NYAP2: variants seen among roughly 807,000 people sequenced by gnomAD.
The protein encoded by NYAP2 is neuronal tyrosine-phosphorylated phosphoinositide-3-kinase adaptor 2, also known as neuronal tyrosine-phosphorylated phosphoinositide-3-kinase adapter 2.
In NYAP2, 23 loss-of-function variants were observed where a neutral mutation model predicts 50.4. The observed-to-expected ratio is 0.46, with a 90% confidence interval of 0.33 to 0.65. NYAP2 has a LOEUF of 0.65. Ranked by LOEUF, NYAP2 falls within the 30% of genes least tolerant of loss-of-function variation. The pLI is 0.02. For synonymous variants in NYAP2, 394 were observed against 365.2 expected, an observed-to-expected ratio of 1.08 and a Z score of -0.90; for missense variants, 885 against 861.0, an observed-to-expected ratio of 1.03 and a Z score of -0.35.
At chr2:225,448,022 A>C (rs1689589120) in intron 3 of NYAP2, among the ~76,000 whole-genome samples, 1 of 152,224 alleles carries the variant, frequency 6.6e-6, no homozygotes, top group South Asian at 2.1e-4. Context: ...GAAAAAGCTA[A>C]TGAACCTGGG....
At chr2:225,405,341 A>G (rs375972072) in intron 2 of NYAP2, among the ~76,000 whole-genome samples, 3 of 152,090 alleles carry the variant, frequency 2.0e-5, no homozygotes, top group Admixed American at 6.6e-5. Flanking sequence ...CCTCTTAACA[A>G]ATAGGGTCTT....
At chr2:225,626,454 T>C (rs1474028420) in intron 5 of NYAP2, among the ~76,000 whole-genome samples, 1 of 152,038 alleles carries the variant, frequency 6.6e-6, no homozygotes, top group Non-Finnish European at 1.5e-5. Context: ...GCCAAGAGAA[T>C]TGAAAATATA....
chr2:225,423,161 A>T (rs1204676789), intron 3 of NYAP2, among the ~76,000 whole-genome samples: 1 of 152,170 alleles, frequency 6.6e-6, no homozygotes, highest in Non-Finnish European at 1.5e-5. Flanking sequence ...AGGTGAAAAC[A>T]CGAAGCCTCT....
intron 3 of NYAP2, among the ~76,000 whole-genome samples, chr2:225,504,869 A>G (rs1455198184): frequency 6.6e-6 from 1 of 151,980 alleles, no homozygotes; most frequent in East Asian, 1.9e-4. Flanking sequence ...TTAGCTGGGT[A>G]TGGTGGTGTC....
intron 5 of NYAP2, among the ~76,000 whole-genome samples, chr2:225,623,350 C>G (rs1233799796): frequency 6.6e-6 from 1 of 152,162 alleles, no homozygotes; most frequent in Non-Finnish European, 1.5e-5. Context: ...AAACTACAAC[C>G]TATCATAAAA....
At chr2:225,613,604 A>C (rs1453773543) in intron 5 of NYAP2, among the ~76,000 whole-genome samples, 1 of 152,200 alleles carries the variant, frequency 6.6e-6, no homozygotes, top group Non-Finnish European at 1.5e-5. Flanking sequence ...GCAGCATCTG[A>C]CCCATAGTAG....
At chr2:225,597,182 T>C (rs1202722705) in intron 5 of NYAP2, among the ~76,000 whole-genome samples, 1 of 151,876 alleles carries the variant, frequency 6.6e-6, no homozygotes, top group Non-Finnish European at 1.5e-5. Context: ...GGGAAACAGG[T>C]GGTGTTGGTT....
At chr2:225,569,058 A>ATTC (rs1160693855) in intron 4 of NYAP2, among the ~76,000 whole-genome samples, 13 of 152,318 alleles carry the variant, frequency 8.5e-5, no homozygotes, top group Non-Finnish European at 1.6e-4. Context: ...GGAAGGGGAA[A>ATTC]TGGAAGAAAT....
the NYAP2 span, among the ~76,000 whole-genome samples, chr2:225,666,477 A>C: frequency 2.0e-5 from 3 of 152,182 alleles, no homozygotes; most frequent in African/African-American, 7.2e-5. Flanking sequence ...CATCAATGAA[A>C]TACATTGAAA....
At chr2:225,512,831 C>T (rs868675899) in intron 3 of NYAP2, among the ~76,000 whole-genome samples, 2,499 of 77,438 alleles carry the variant, frequency 0.032, 225 homozygotes, top group African/African-American at 0.1. Flanking sequence ...CTCTCTCTCT[C>T]TCTCTCTTTC....
At chr2:225,542,152 G>A (rs1200026771) in intron 4 of NYAP2, among the ~76,000 whole-genome samples, 1 of 152,082 alleles carries the variant, frequency 6.6e-6, no homozygotes, top group Non-Finnish European at 1.5e-5. Flanking sequence ...GAATTTATCA[G>A]TTTTAATAGT....
intron 6 of NYAP2, among the ~76,000 whole-genome samples, chr2:225,639,063 GA>G (rs57481799): frequency 6.7e-6 from 1 of 150,306 alleles, no homozygotes; most frequent in African/African-American, 2.4e-5. Context: ...TCATCAAAGT[GA>G]AAAAAAAAAG....
At position 225,622,906 on chromosome 2, in the gene NYAP2, C is replaced by T. The variant is rs377620774; in HGVS notation, c.1619-4011C>T. Reference sequence around the variant, plus strand: ...AGCCACAACCAGTTTTATTTCTAACCTAGCAATTTTATTCTAACATTCTTT... The same window carrying T: ...AGCCACAACCAGTTTTATTTCTAACTTAGCAATTTTATTCTAACATTCTTT... On this transcript the variant is annotated intron_variant, in intron 5 of 6. Coordinates refer to ENST00000636099, the Ensembl canonical transcript of NYAP2. 2.6e-5 allele frequency among the ~76,000 whole-genome samples: 4 copies of T among 152,024 alleles called. No homozygotes were observed. In the East Asian group the frequency reaches 5.8e-4, roughly 22 times the overall value.
At chr2:225,489,941 C>T (rs762902207) in intron 3 of NYAP2, among the ~76,000 whole-genome samples, 2 of 152,192 alleles carry the variant, frequency 1.3e-5, no homozygotes, top group Non-Finnish European at 2.9e-5. Flanking sequence ...GTTACAAGCT[C>T]ATTTTCCAAA....
intron 4 of NYAP2, among the ~76,000 whole-genome samples, chr2:225,558,399 G>T (rs1574677278): frequency 6.6e-6 from 1 of 152,214 alleles, no homozygotes; most frequent in East Asian, 1.9e-4. Flanking sequence ...TTCTTTAGCT[G>T]CATATACTTC....
the NYAP2 span, among the ~76,000 whole-genome samples, chr2:225,691,275 G>A: frequency 3.3e-5 from 5 of 151,562 alleles, no homozygotes; most frequent in South Asian, 4.2e-4. Context: ...CTGACTACTC[G>A]ATTCTACCTT....
the NYAP2 span, chr2:225,702,008 G>A: frequency 6.6e-6 from 1 of 151,686 alleles, no homozygotes; most frequent in Non-Finnish European, 1.5e-5. Flanking sequence ...ACGTACAAAT[G>A]CAATTTTAAT....
rs117950704 is a variant in NYAP2 at position 225,651,265 on chromosome 2, G to A, written c.1829-167G>A. Among the ~76,000 whole-genome samples the A allele has an allele frequency of 5.4e-4, 83 of 152,332 alleles. No individual in the cohort carries two copies. The East Asian group carries it at 0.012, about 22-fold the overall frequency. On this transcript the variant is annotated intron_variant, in intron 6 of 6. Coordinates refer to ENST00000636099, the Ensembl canonical transcript of NYAP2. ...ATCTGGGTATAAAGCTCCTTTTAGA[G>A]TCAACTGCCATGAAAGTGTTTTATC...
intron 2 of NYAP2, among the ~76,000 whole-genome samples, chr2:225,404,564 A>T (rs912270172): frequency 6.6e-6 from 1 of 152,000 alleles, no homozygotes; most frequent in Non-Finnish European, 1.5e-5. Context: ...TATTTAACTT[A>T]TGGTAAGAAT....
Sources: gnomAD v4.1 joint callset for allele counts (sites outside exome capture counted in the v4.1 genomes callset) on GRCh38, gnomAD v4.1.1 for gene constraint, MANE v1.5 for transcripts, NCBI Gene and HGNC (gene_info 2026-07-23, HGNC 2026-07-21) for gene names.